PLEKHH2: variants seen among roughly 807,000 people sequenced by gnomAD.
PLEKHH2 encodes pleckstrin homology domain-containing family H member 2.
PLEKHH2 carries 129 observed loss-of-function variants against 187.9 expected under a neutral mutation model. The observed-to-expected ratio is 0.69, with a 90% CI of 0.59 to 0.79. The LOEUF is 0.79. PLEKHH2 is among the 30% of genes least tolerant of loss of function. The pLI is 0.00. For missense variants in PLEKHH2, 2,076 were observed against 1,751.2 expected, an observed-to-expected ratio of 1.19 and a Z score of -3.31; for synonymous variants, 686 against 605.6, an observed-to-expected ratio of 1.13 and a Z score of -1.95.
intron 16 of PLEKHH2, 139 bp downstream of exon 16, chr2:43,720,888 T>C: frequency 1.5e-6 from 2 of 1,314,158 alleles, no homozygotes; most frequent in African/African-American, 1.5e-5. Context: ...TTGGTGCAAC[T>C]GAGAAAATCA....
rs139262116 is a variant in PLEKHH2, at chr2:43,672,541, T to C, written c.124-6322T>C. Among the ~76,000 whole-genome samples, 575 of 152,322 alleles carry C rather than the reference T, an allele frequency of 3.8e-3. 2 individuals are homozygous for C. Among genetic ancestry groups the C allele is most frequent in the African/African-American group, 0.013 (540 of 41,572 alleles). ...CAAAAGTCACTAATGACCTCCTAAT[T>C]AGCAGTGGCATCATCACCAGTTGTT... On this transcript the variant is annotated intron_variant, in intron 2 of 29. Coordinates refer to ENST00000282406, the MANE Select transcript of PLEKHH2 (RefSeq NM_172069.4).
At chr2:43,650,144 C>CTTTTTTTTTTTTTTT (rs70965311) in intron 2 of PLEKHH2, among the ~76,000 whole-genome samples, 2 of 95,664 alleles carry the variant, frequency 2.1e-5, no homozygotes, top group Non-Finnish European at 4.0e-5. Flanking sequence ...TTTTTCTTTC[C>CTTTTTTTTTTTTTTT]TTTTTTTTTT....
chr2:43,712,519 G>A, intron 15 of PLEKHH2, 136 bp downstream of exon 15: 1 of 1,022,858 alleles, frequency 9.8e-7, no homozygotes, highest in Non-Finnish European at 1.3e-6. Flanking sequence ...GTGTTTTTAA[G>A]TATGATGCCC....
rs192456308 is a variant in PLEKHH2 at position 43,714,782 on chromosome 2, C to A, written c.2460+2399C>A. On this transcript the variant is annotated intron_variant, in intron 15 of 29. Transcript: ENST00000282406. ...AGATGAATAGGCCACTGTCCCATTC[C>A]TCAGAGAGCCTCATAATCTATTAAA... 1.5e-3 allele frequency among the ~76,000 whole-genome samples: 234 copies of A among 152,248 alleles called. 2 individuals carry two copies. Among genetic ancestry groups the A allele is most frequent in the African/African-American group, 5.3e-3 (222 of 41,548 alleles).
chr2:43,707,374 C>G, intron 10 of PLEKHH2, 27 bp from the exon 11 acceptor site: 1 of 1,613,334 alleles, frequency 6.2e-7, no homozygotes. Context: ...GGGATGGATA[C>G]AGGGAGGTTG....
chr2:43,743,148 A>G (rs2288710), intron 22 of PLEKHH2, among the ~76,000 whole-genome samples: 15,470 of 152,300 alleles, frequency 0.1, 1,039 homozygotes, highest in South Asian at 0.18. Flanking sequence ...CACTGCCATT[A>G]TGATTCTGAT....
rs1301825868 is a variant in PLEKHH2, at chr2:43,762,339, G to T, written c.4107G>T (p.Leu1369Phe). ...CATCATCACTTGGAAGTACTTTCTT[G>T]TGGCTGGCTGTACATGAGGATGGTT... ...ITPSSLGSTF[L>F]WLAVHEDGLS... The change falls in exon 28 of 30, where the codon TTG becomes TTT. Residue 1369 changes from leucine (L) to phenylalanine (F), a missense_variant. By Grantham distance (22) the Leu-to-Phe change is conservative. Transcript: ENST00000282406. 1.2e-6 allele frequency: 2 copies of T among 1,613,066 alleles called. No individual in the cohort carries two copies. Among genetic ancestry groups the T allele is most frequent in the African/African-American group, 1.3e-5 (1 of 74,860 alleles).
At chr2:43,707,658 C>G in intron 11 of PLEKHH2, 113 bp downstream of exon 11, 2 of 1,282,094 alleles carry the variant, frequency 1.6e-6, no homozygotes. Context: ...GCTTCAGACC[C>G]TAGTGAAAAG....
At chr2:43,744,892 A>G (rs573685319) in intron 23 of PLEKHH2, among the ~76,000 whole-genome samples, 236 of 151,714 alleles carry the variant, frequency 1.6e-3, no homozygotes, top group African/African-American at 5.5e-3. Flanking sequence ...AAAAAAGAAA[A>G]AGAAAAGAAA....
intron 4 of PLEKHH2, among the ~76,000 whole-genome samples, chr2:43,693,617 G>A (rs568044875): frequency 5.3e-5 from 8 of 151,540 alleles, no homozygotes; most frequent in Admixed American, 2.0e-4. Context: ...CCAGCTACTT[G>A]GGAGGCTGAC....
At chr2:43,727,930 G>A (rs1464526444) in intron 17 of PLEKHH2, among the ~76,000 whole-genome samples, 2 of 152,168 alleles carry the variant, frequency 1.3e-5, no homozygotes, top group Non-Finnish European at 2.9e-5. Flanking sequence ...AATGGCTAAT[G>A]AATGCTTACG....
At chr2:43,758,598 T>C (rs1672307259) in intron 26 of PLEKHH2, among the ~76,000 whole-genome samples, 1 of 152,224 alleles carries the variant, frequency 6.6e-6, no homozygotes, top group Non-Finnish European at 1.5e-5. Flanking sequence ...GAAATTATCT[T>C]TTAAACTAAT....
At chr2:43,740,693 C>T (rs1337436045) in intron 20 of PLEKHH2, 1 of 353,858 alleles carries the variant, frequency 2.8e-6, no homozygotes, top group Admixed American at 5.2e-5. Context: ...CAAAAAGGAG[C>T]ACCTTGTCTG....
chr2:43,733,959 A>C (rs1329270795), intron 19 of PLEKHH2, among the ~76,000 whole-genome samples: 3 of 152,262 alleles, frequency 2.0e-5, no homozygotes, highest in Non-Finnish European at 4.4e-5. Flanking sequence ...ATAAATGACC[A>C]AAATTGATTC....
chr2:43,758,888 CTT>C lies in PLEKHH2; in HGVS notation c.3942-4_3942-3del. The C allele has an allele frequency of 6.5e-7, 1 of 1,545,208 alleles. No individual in the cohort carries two copies. The highest frequency in any genetic ancestry group is 1.2e-5 in the South Asian group (1 of 82,442). ...TTAGTGTTTTTGTTTTTGTTCTTTT[CTT>C]TTTTTTTAGGCAGCTTTGCCAGCGA... On this transcript the variant is annotated splice_polypyrimidine_tract_variant and intron_variant, in intron 26 of 29. Transcript: ENST00000282406.
At position 43,738,469 on chromosome 2, in the gene PLEKHH2, T is replaced by G; in HGVS notation, c.3072T>G (p.Leu1024=). The change falls in exon 20 of 30, where the codon CTT becomes CTG. Residue 1024 remains leucine, a synonymous_variant. Transcript: ENST00000282406. ...TGCAGAATGAAATTTGCTGTCAGCT[T>G]ATTAAACAGACAAGACGAAGACAGC... ...PELQNEICCQ[L]IKQTRRRQPQ... 6.2e-7 allele frequency: 1 copy of G among 1,613,878 alleles called. No homozygotes were observed.
At chr2:43,657,563 A>G (rs1398502006) in intron 2 of PLEKHH2, among the ~76,000 whole-genome samples, 1 of 152,206 alleles carries the variant, frequency 6.6e-6, no homozygotes, top group Non-Finnish European at 1.5e-5. Context: ...CCCAGTTTTA[A>G]GGGAAGGGGA....
chr2:43,734,485 A>G (rs1263591611), intron 19 of PLEKHH2, among the ~76,000 whole-genome samples: 2 of 152,242 alleles, frequency 1.3e-5, no homozygotes, highest in Non-Finnish European at 2.9e-5. Context: ...AATGGCCAAC[A>G]AGTATATGAA....
At chr2:43,667,635 A>G (rs998110532) in intron 2 of PLEKHH2, among the ~76,000 whole-genome samples, 1 of 152,260 alleles carries the variant, frequency 6.6e-6, no homozygotes, top group Non-Finnish European at 1.5e-5. Flanking sequence ...AACATATGCT[A>G]CAGCATGGAT....
Sources: gnomAD v4.1 joint callset for allele counts (sites outside exome capture counted in the v4.1 genomes callset) on GRCh38, gnomAD v4.1.1 for gene constraint, MANE v1.5 for transcripts, NCBI Gene and HGNC (gene_info 2026-07-23, HGNC 2026-07-21) for gene names.